Variants in ARHGAP28 observed in about 807,000 individuals in gnomAD.
ARHGAP28 encodes the protein rho GTPase-activating protein 28.
Under a neutral mutation model 90.7 loss-of-function variants are expected in ARHGAP28, and 56 were observed. The ratio of observed to expected loss-of-function variants is 0.62; its 90% CI spans 0.50 to 0.77. The LOEUF (loss-of-function observed/expected upper bound fraction) is 0.77, where lower values mean the gene tolerates loss of function less well. Ranked by LOEUF, ARHGAP28 falls within the 30% of genes least tolerant of loss-of-function variation. The pLI is 0.00. For synonymous variants in ARHGAP28, 308 were observed against 323.3 expected (o/e 0.95, Z 0.51); for missense variants, 869 against 900.9 (o/e 0.96, Z 0.45).
intron 17 of ARHGAP28, among the ~76,000 whole-genome samples, chr18:6,909,280 CTTTTCTTTTCTTTTCTTTTCT>C (rs1425988371): frequency 5.6e-3 from 308 of 55,076 alleles, no homozygotes; most frequent in African/African-American, 0.015. Context: ...CTTTGCTTTT[CTTTTCTTTTCTTTTCTTTTCT>C]TTTTTTTTTG....
chr18:6,787,185 A>C (rs1182074883), intron 1 of ARHGAP28, among the ~76,000 whole-genome samples: 3 of 145,388 alleles, frequency 2.1e-5, no homozygotes, highest in African/African-American at 7.7e-5. Context: ...GCGCCACTGC[A>C]CTCCAACCTG....
At chr18:6,771,233 G>C (rs1392896525) in intron 1 of ARHGAP28, among the ~76,000 whole-genome samples, 1 of 151,648 alleles carries the variant, frequency 6.6e-6, no homozygotes, top group African/African-American at 2.4e-5. Flanking sequence ...AGATGAGTGG[G>C]GTATCTCACT....
intron 1 of ARHGAP28, among the ~76,000 whole-genome samples, chr18:6,746,152 T>C (rs2056021120): frequency 6.6e-6 from 1 of 152,150 alleles, no homozygotes; most frequent in Non-Finnish European, 1.5e-5. Flanking sequence ...TTTAAGGTGT[T>C]TTACCTTCCC....
At chr18:6,901,367 C>T (rs1429572344) in intron 16 of ARHGAP28, among the ~76,000 whole-genome samples, 4 of 152,098 alleles carry the variant, frequency 2.6e-5, no homozygotes, top group Admixed American at 2.6e-4. Flanking sequence ...TGCACCCCCA[C>T]TCCCTAAGTG....
intron 1 of ARHGAP28, among the ~76,000 whole-genome samples, chr18:6,752,515 T>C (rs896595134): frequency 1.3e-5 from 2 of 152,228 alleles, no homozygotes; most frequent in South Asian, 2.1e-4. Context: ...TCTCACAATC[T>C]TTTTGTGTCT....
intron 16 of ARHGAP28, among the ~76,000 whole-genome samples, chr18:6,901,666 G>A (rs995875747): frequency 6.6e-6 from 1 of 151,984 alleles, no homozygotes. Context: ...AAGTGTCTGA[G>A]CAGTACTCCT....
intron 4 of ARHGAP28, among the ~76,000 whole-genome samples, chr18:6,851,998 A>G (rs77548229): frequency 0.042 from 6,468 of 152,226 alleles, 437 homozygotes; most frequent in African/African-American, 0.15. Context: ...ATAGGTCTAT[A>G]TAGTTGTTAA....
At chr18:6,840,281 T>G (rs1231339358) in intron 3 of ARHGAP28, among the ~76,000 whole-genome samples, 2 of 152,216 alleles carry the variant, frequency 1.3e-5, no homozygotes, top group Non-Finnish European at 2.9e-5. Context: ...CTTTCTCACT[T>G]CTATTTCCAG....
At chr18:6,797,304 A>T (rs1229496573) in intron 1 of ARHGAP28, among the ~76,000 whole-genome samples, 1 of 152,174 alleles carries the variant, frequency 6.6e-6, no homozygotes, top group African/African-American at 2.4e-5. Context: ...TTTCTCTGTC[A>T]CTTGGAGACT....
chr18:6,890,299 A>G (rs1294522984), intron 13 of ARHGAP28, 131 bp from the exon 14 acceptor site: 7 of 762,582 alleles, frequency 9.2e-6, no homozygotes, highest in African/African-American at 7.1e-5. Context: ...TAAACTTTAT[A>G]AGGACAATGC....
intron 2 of ARHGAP28, among the ~76,000 whole-genome samples, chr18:6,836,377 A>G (rs1366943182): frequency 6.6e-6 from 1 of 152,066 alleles, no homozygotes; most frequent in African/African-American, 2.4e-5. Context: ...TTAGGATCCA[A>G]GCATTACCCA....
At chr18:6,759,973 TC>T (rs1273730612) in intron 1 of ARHGAP28, among the ~76,000 whole-genome samples, 1 of 152,170 alleles carries the variant, frequency 6.6e-6, no homozygotes, top group Non-Finnish European at 1.5e-5. Flanking sequence ...CAAATTGTAA[TC>T]AGGAATTTTA....
intron 13 of ARHGAP28, 35 bp from the exon 14 acceptor site, chr18:6,890,395 T>A (rs1309986173): frequency 7.9e-6 from 11 of 1,397,238 alleles, no homozygotes; most frequent in Non-Finnish European, 1.1e-5. Flanking sequence ...AATTCAAGTG[T>A]TTTCCATCCA....
In ARHGAP28 at chr18:6,859,092, C is replaced by CAA. The variant is rs11463047; in HGVS notation, c.637-715_637-714dup. On this transcript the variant is annotated intron_variant, in intron 4 of 17. Coordinates refer to ENST00000383472, the MANE Select transcript of ARHGAP28 (RefSeq NM_001366230.1). ...AGCTTTATTAAAACAACAACAACAA[C>CAA]AACAAAAAACAAAATTTGGTACTAT... 2.5e-3 allele frequency among the ~76,000 whole-genome samples: 380 copies of CAA among 151,282 alleles called. 2 individuals are homozygous for CAA. The highest frequency in any genetic ancestry group is 0.016 in the Admixed American group (248 of 15,228).
chr18:6,746,305 T>C (rs2056022996), intron 1 of ARHGAP28, among the ~76,000 whole-genome samples: 1 of 152,118 alleles, frequency 6.6e-6, no homozygotes, highest in Admixed American at 6.5e-5. Flanking sequence ...CTGCGAAGGG[T>C]CAATATTTTA....
chr18:6,733,963 C>CA (rs2143119039), intron 1 of ARHGAP28, among the ~76,000 whole-genome samples: 1 of 152,268 alleles, frequency 6.6e-6, no homozygotes, highest in East Asian at 1.9e-4. Context: ...TTGGTGTCTA[C>CA]AGTGCATTTC....
At chr18:6,757,547 A>G (rs781348096) in intron 1 of ARHGAP28, among the ~76,000 whole-genome samples, 1 of 152,224 alleles carries the variant, frequency 6.6e-6, no homozygotes, top group Admixed American at 6.5e-5. Flanking sequence ...AATAAAATCC[A>G]TACAGATTTG....
At chr18:6,778,384 C>A (rs572707624) in intron 1 of ARHGAP28, among the ~76,000 whole-genome samples, 1 of 152,154 alleles carries the variant, frequency 6.6e-6, no homozygotes, top group African/African-American at 2.4e-5. Context: ...TGCCCTCTTT[C>A]AGTAACAAGG....
chr18:6,898,777 C>T (rs2057322386), intron 16 of ARHGAP28: 1 of 1,242,194 alleles, frequency 8.1e-7, no homozygotes. Context: ...ATCTTAGTAA[C>T]TCAGGAATGG....
Sources: allele counts gnomAD v4.1 joint callset (sites outside exome capture counted in the v4.1 genomes callset), GRCh38; gene constraint gnomAD v4.1.1; transcripts MANE v1.5; gene names NCBI Gene and HGNC (gene_info 2026-07-23, HGNC 2026-07-21).